The following ANK3 variants were observed in gnomAD, a reference collection of about 807,000 sequenced individuals.
ANK3 encodes the protein ankyrin 3.
A neutral mutation model predicts 370.9 loss-of-function variants in ANK3; 57 were observed. The observed-to-expected ratio is 0.15, with a 90% CI of 0.12 to 0.19. ANK3 has a LOEUF of 0.19. ANK3 is among the 10% of genes least tolerant of loss of function. The pLI is 1.00. For missense variants in ANK3, 4,439 were observed against 5,302.1 expected, an observed-to-expected ratio of 0.84 and a Z score of 5.06; for synonymous variants, 1,929 against 1,946.3, an observed-to-expected ratio of 0.99 and a Z score of 0.23.
chr10:60,324,007 G>T (rs1375939580), intron 1 of ANK3, among the ~76,000 whole-genome samples: 1 of 152,182 alleles, frequency 6.6e-6, no homozygotes, highest in East Asian at 1.9e-4. Flanking sequence ...CAGAGAAGAG[G>T]CTTGGAAGCA....
intron 1 of ANK3, among the ~76,000 whole-genome samples, chr10:60,368,748 T>C (rs34939353): frequency 0.13 from 19,965 of 152,204 alleles, 1,413 homozygotes; most frequent in South Asian, 0.16. Context: ...GAAATCTGCA[T>C]GGCTGAGTTT....
chr10:60,472,145 A>G (rs1247175324), intron 2 of ANK3, among the ~76,000 whole-genome samples: 1 of 152,192 alleles, frequency 6.6e-6, no homozygotes. Context: ...AAAGATTTTC[A>G]GAAGTTCAAG....
At chr10:60,380,238 T>G (rs1237906373) in intron 1 of ANK3, among the ~76,000 whole-genome samples, 1 of 152,154 alleles carries the variant, frequency 6.6e-6, no homozygotes, top group Admixed American at 6.6e-5. Flanking sequence ...GTAATGTTCT[T>G]TAGGGGGAAA....
chr10:60,569,049 T>A (rs2077528992), intron 2 of ANK3, among the ~76,000 whole-genome samples: 1 of 115,764 alleles, frequency 8.6e-6, no homozygotes. Flanking sequence ...CCTAGTCTAT[T>A]GTATTTTTTT....
At chr10:60,048,723 A>G (rs577048674) in intron 42 of ANK3, among the ~76,000 whole-genome samples, 4 of 151,966 alleles carry the variant, frequency 2.6e-5, no homozygotes, top group African/African-American at 9.6e-5. Context: ...TGCATGTGGA[A>G]TGCCCAGATA....
chr10:60,471,462 A>G (rs556082830), intron 2 of ANK3, among the ~76,000 whole-genome samples: 1 of 152,328 alleles, frequency 6.6e-6, no homozygotes, highest in Admixed American at 6.5e-5. Context: ...ATTTACACTT[A>G]TTAATGGCTG....
chr10:60,688,753 C>A (rs1048750475), intron 1 of ANK3, among the ~76,000 whole-genome samples: 3 of 151,864 alleles, frequency 2.0e-5, no homozygotes, highest in African/African-American at 7.3e-5. Context: ...TCGAGACCAT[C>A]CTGGCTAACA....
At chr10:60,246,674 C>T (rs766064884) in intron 7 of ANK3, among the ~76,000 whole-genome samples, 1 of 152,132 alleles carries the variant, frequency 6.6e-6, no homozygotes, top group Admixed American at 6.5e-5. Context: ...ACTCAAGAGC[C>T]TTATTTTCTT....
At chr10:60,717,588 T>C (rs2079807979) in intron 1 of ANK3, among the ~76,000 whole-genome samples, 1 of 152,248 alleles carries the variant, frequency 6.6e-6, no homozygotes, top group South Asian at 2.1e-4. Context: ...CACTGAGCTT[T>C]ACAATTTAGT....
chr10:60,670,818 T>C (rs1241809965), intron 1 of ANK3, among the ~76,000 whole-genome samples: 1 of 152,170 alleles, frequency 6.6e-6, no homozygotes, highest in Non-Finnish European at 1.5e-5. Flanking sequence ...TGACTCCAAG[T>C]GGGAGTGTTG....
chr10:60,578,621 G>A (rs1323711885), intron 2 of ANK3, among the ~76,000 whole-genome samples: 2 of 152,170 alleles, frequency 1.3e-5, no homozygotes, highest in East Asian at 3.9e-4. Flanking sequence ...ACAGTGAAAT[G>A]GGGTCAGTAG....
intron 25 of ANK3, among the ~76,000 whole-genome samples, chr10:60,129,199 G>A (rs1181355001): frequency 6.6e-6 from 1 of 152,072 alleles, no homozygotes; most frequent in Non-Finnish European, 1.5e-5. Flanking sequence ...GCCTTAAATC[G>A]GCAGTTACTA....
intron 7 of ANK3, among the ~76,000 whole-genome samples, chr10:60,244,940 C>T (rs1300088002): frequency 2.0e-5 from 3 of 152,046 alleles, no homozygotes; most frequent in Non-Finnish European, 2.9e-5. Context: ...GAGGCCGAGG[C>T]GGGCGGATCA....
At chr10:60,651,256 T>C (rs1466845337) in intron 1 of ANK3, among the ~76,000 whole-genome samples, 1 of 152,150 alleles carries the variant, frequency 6.6e-6, no homozygotes, top group Non-Finnish European at 1.5e-5. Flanking sequence ...TTAGAAACTG[T>C]TTTTAGCCAG....
intron 7 of ANK3, 44 bp downstream of exon 7, chr10:60,261,815 A>C (rs764032599): frequency 6.5e-7 from 1 of 1,539,378 alleles, no homozygotes; most frequent in South Asian, 1.1e-5. Context: ...AGTATAAAAT[A>C]GTTGCAAATG....
intron 1 of ANK3, among the ~76,000 whole-genome samples, chr10:60,642,999 CTT>C (rs1473987297): frequency 2.6e-5 from 4 of 152,052 alleles, no homozygotes; most frequent in African/African-American, 4.8e-5. Context: ...TATTTTCACT[CTT>C]ATATTTTCCT....
chr10:60,263,671 G>A (rs910578854), intron 6 of ANK3, among the ~76,000 whole-genome samples, 164 bp downstream of exon 6: 2 of 152,170 alleles, frequency 1.3e-5, no homozygotes, highest in African/African-American at 4.8e-5. Context: ...CTCATGTGAA[G>A]GGAGGCTGTG....
At position 60,575,222 on chromosome 10, in the gene ANK3, A is replaced by C. The variant is rs114956037; in HGVS notation, c.96+39964T>G. Among the ~76,000 whole-genome samples, 339 of 152,300 alleles carry C rather than the reference A, an allele frequency of 2.2e-3. 3 individuals carry two copies. Among genetic ancestry groups the C allele is most frequent in the African/African-American group, 7.6e-3 (317 of 41,568 alleles). ...ACATGAATTGGCAGGAAATGAATCAACCTGTGACTAAGGGTAGTTGTTCGC... is the reference window on the plus strand; with the variant it reads ...ACATGAATTGGCAGGAAATGAATCACCCTGTGACTAAGGGTAGTTGTTCGC... On this transcript the variant is annotated intron_variant, in intron 2 of 43. Coordinates refer to the ANK3 transcript ENST00000373827.
intron 1 of ANK3, among the ~76,000 whole-genome samples, chr10:60,364,042 C>A (rs2059046484): frequency 6.7e-6 from 1 of 150,296 alleles, no homozygotes; most frequent in African/African-American, 2.4e-5. Context: ...GCCTGTAATC[C>A]CAGCACTTTC....
Sources: gnomAD v4.1 joint callset for allele counts (sites outside exome capture counted in the v4.1 genomes callset) on GRCh38, gnomAD v4.1.1 for gene constraint, MANE v1.5 for transcripts, NCBI Gene and HGNC (gene_info 2026-07-23, HGNC 2026-07-21) for gene names.